Variants in SNX6 observed in about 807,000 individuals in gnomAD.
SNX6 encodes sorting nexin-6.
SNX6 carries 34 observed loss-of-function variants against 63.0 expected under a neutral mutation model. That is an observed-to-expected ratio of 0.54 (90% CI 0.41 to 0.72). SNX6 has a LOEUF of 0.72. Among genes scored for constraint, SNX6 ranks in the 30% least tolerant of loss-of-function variants. The pLI, the probability that SNX6 is intolerant of heterozygous loss-of-function variation, is 0.00. For missense variants in SNX6, 398 were observed against 471.4 expected, an observed-to-expected ratio of 0.84 and a Z score of 1.44; for synonymous variants, 170 against 164.2, an observed-to-expected ratio of 1.04 and a Z score of -0.27.
At chr14:34,582,551 G>T (rs889309482) in intron 9 of SNX6, among the ~76,000 whole-genome samples, 1 of 151,734 alleles carries the variant, frequency 6.6e-6, no homozygotes. Flanking sequence ...ACGTGTTTTT[G>T]TTGTTGTTGT....
chr14:34,604,088 T>G, intron 5 of SNX6: 1 of 1,156,018 alleles, frequency 8.7e-7, no homozygotes. Context: ...GGAAAAGGCT[T>G]GATATTCTTG....
At chr14:34,595,139 A>G (rs938380751) in intron 7 of SNX6, among the ~76,000 whole-genome samples, 1 of 151,742 alleles carries the variant, frequency 6.6e-6, no homozygotes, top group Non-Finnish European at 1.5e-5. Context: ...AAAATTCATA[A>G]TTCATAATAT....
chr14:34,602,488 G>A (rs1376151589), intron 6 of SNX6, among the ~76,000 whole-genome samples: 1 of 151,358 alleles, frequency 6.6e-6, no homozygotes, highest in Non-Finnish European at 1.5e-5. Context: ...CTACTTGGGA[G>A]GCTGAGGCAC....
intron 5 of SNX6, among the ~76,000 whole-genome samples, chr14:34,603,833 G>T (rs530394856): frequency 6.6e-6 from 1 of 152,176 alleles, no homozygotes; most frequent in African/African-American, 2.4e-5. Flanking sequence ...AATATCCAAT[G>T]ACTGCTTTTA....
At chr14:34,587,868 TGGTGG>T in intron 8 of SNX6, among the ~76,000 whole-genome samples, 1 of 145,454 alleles carries the variant, frequency 6.9e-6, no homozygotes, top group Admixed American at 7.2e-5. Context: ...TGGAGTGCAG[TGGTGG>T]GGTCTTGGCT....
Position 34,568,611 on chromosome 14 carries a change from G to T in SNX6, c.922-598C>A, listed in dbSNP as rs891962369. On this transcript the variant is annotated intron_variant, in intron 11 of 13. Transcript: ENST00000362031. Reference sequence around the variant, plus strand: ...TTCAGCCTGCTAAAGTGGATTACAAGCGTGAGCCACTGCACTCAGCCTGTT... The same window carrying T: ...TTCAGCCTGCTAAAGTGGATTACAATCGTGAGCCACTGCACTCAGCCTGTT... 6.1e-6 allele frequency: 4 copies of T among 652,154 alleles called. No individual in the cohort carries two copies. In the African/African-American group the frequency reaches 7.4e-5, roughly 12 times the overall value. 40.4% of individuals were successfully genotyped at this position (652,154 alleles called of 1,614,324 possible). A position where few individuals can be genotyped will look rare whatever the true frequency, so the allele number is the denominator to read the frequency against.
intron 2 of SNX6, 91 bp from the exon 3 acceptor site, chr14:34,609,833 A>G: frequency 2.4e-6 from 2 of 832,722 alleles, no homozygotes; most frequent in Non-Finnish European, 3.9e-6. Context: ...AAACAAAAAT[A>G]ACAAAAGATT....
intron 11 of SNX6, among the ~76,000 whole-genome samples, chr14:34,573,701 C>T (rs972042210): frequency 2.0e-5 from 3 of 151,762 alleles, no homozygotes; most frequent in Admixed American, 1.3e-4. Context: ...TGCAATGGCG[C>T]GGTCTCGGCT....
intron 9 of SNX6, among the ~76,000 whole-genome samples, chr14:34,583,642 G>C (rs562973470): frequency 6.6e-6 from 1 of 151,844 alleles, no homozygotes; most frequent in African/African-American, 2.4e-5. Flanking sequence ...AACAAAAAAG[G>C]GCACAGGTTC....
chr14:34,592,258 T>C (rs1481998084), intron 8 of SNX6, among the ~76,000 whole-genome samples: 3 of 151,950 alleles, frequency 2.0e-5, no homozygotes, highest in Non-Finnish European at 4.4e-5. Context: ...CGGTGGCAGG[T>C]GCCTGTAATC....
rs1463768533 is a variant in SNX6 at position 34,609,641 on chromosome 14, T to C, written c.156A>G (p.Thr52=). The change falls in exon 3 of 14, where the codon ACA becomes ACG. Residue 52 remains threonine (T), a synonymous_variant. Coordinates refer to ENST00000362031, the MANE Select transcript of SNX6 (RefSeq NM_152233.4). Reference sequence around the variant, plus strand: ...GAAAGTACAAAATCACATTTACCTTTGTGTGAACAGTGAATTTTACTTTAT... The same window carrying C: ...GAAAGTACAAAATCACATTTACCTTCGTGTGAACAGTGAATTTTACTTTAT... ...ERDKVKFTVH[T]KSSLPNFKQN... 1.3e-6 allele frequency: 2 copies of C among 1,590,844 alleles called. No homozygotes were observed. The highest frequency in any genetic ancestry group is 8.6e-7 in the Non-Finnish European group (1 of 1,160,268).
At chr14:34,565,302 C>G (rs1354980198) in intron 13 of SNX6, among the ~76,000 whole-genome samples, 1 of 151,982 alleles carries the variant, frequency 6.6e-6, no homozygotes, top group East Asian at 1.9e-4. Flanking sequence ...TGGTCTCGAT[C>G]TCCTGACCTC....
chr14:34,604,055 G>GAAAAAA, intron 5 of SNX6: 1 of 810,264 alleles, frequency 1.2e-6, no homozygotes, highest in Non-Finnish European at 1.6e-6. Flanking sequence ...CAGTTTGGGG[G>GAAAAAA]AAAAAAAAAA....
intron 6 of SNX6, among the ~76,000 whole-genome samples, chr14:34,598,976 G>A (rs1214994262): frequency 6.6e-6 from 1 of 152,156 alleles, no homozygotes; most frequent in African/African-American, 2.4e-5. Context: ...TTATAAAAGA[G>A]GCTGAGGGAA....
At chr14:34,591,072 G>A (rs115272144) in intron 8 of SNX6, among the ~76,000 whole-genome samples, 3,187 of 152,212 alleles carry the variant, frequency 0.021, 107 homozygotes, top group African/African-American at 0.068. Flanking sequence ...GGATAGGGCA[G>A]GAGGGAGAGA....
At chr14:34,626,531 G>A (rs765297754) in intron 2 of SNX6, among the ~76,000 whole-genome samples, 12 of 151,412 alleles carry the variant, frequency 7.9e-5, no homozygotes, top group South Asian at 2.1e-4. Flanking sequence ...GGGCACGGTC[G>A]CGCACTCCTG....
At chr14:34,594,652 G>T (rs1882530447) in intron 7 of SNX6, among the ~76,000 whole-genome samples, 1 of 152,068 alleles carries the variant, frequency 6.6e-6, no homozygotes, top group Non-Finnish European at 1.5e-5. Flanking sequence ...GTGAGCCACT[G>T]CACCTGGCAC....
chr14:34,612,767 C>G (rs1883279898), intron 2 of SNX6, among the ~76,000 whole-genome samples: 1 of 151,770 alleles, frequency 6.6e-6, no homozygotes. Flanking sequence ...AGGCAGAGGC[C>G]AGGCGCCACT....
chr14:34,605,626 T>C lies in SNX6; in HGVS notation c.362A>G (p.Glu121Gly), dbSNP rs1369442047. The C allele has an allele frequency of 3.1e-6, 5 of 1,596,764 alleles. No homozygotes were observed. Among genetic ancestry groups the C allele is most frequent in the Non-Finnish European group, 4.3e-6 (5 of 1,174,448 alleles). The change falls in exon 5 of 14, where the codon GAA becomes GGA. Residue 121 changes from glutamate (E) to glycine (G), a missense_variant. Coordinates refer to ENST00000362031, the MANE Select transcript of SNX6 (RefSeq NM_152233.4). ...CAGTTCCTGTTTCATCTTTGTGAAT[T>C]CTTCCTTCGTCATTGACCCTTCTCC... ...GEGEGSMTKE[E>G]FTKMKQELEA...
Sources: gnomAD v4.1 joint callset for allele counts (sites outside exome capture counted in the v4.1 genomes callset) on GRCh38, gnomAD v4.1.1 for gene constraint, MANE v1.5 for transcripts, NCBI Gene and HGNC (gene_info 2026-07-23, HGNC 2026-07-21) for gene names.